The following CELA3B variants were observed in gnomAD, a reference collection of about 807,000 sequenced individuals.
CELA3B encodes the protein chymotrypsin-like elastase family member 3B.
CELA3B carries 34 observed loss-of-function variants against 37.2 expected under a neutral mutation model. That is an observed-to-expected ratio of 0.91 (90% CI 0.70 to 1.22). The LOEUF is 1.22. CELA3B is among the 50% of genes most tolerant of loss of function. CELA3B has a pLI of 0.00. For synonymous variants in CELA3B, 127 were observed against 143.5 expected (o/e 0.89, Z 0.82); for missense variants, 340 against 363.1 (o/e 0.94, Z 0.52).
At chr1:21,986,878 G>A (rs34262568) in intron 7 of CELA3B, 195 bp downstream of exon 7, 145,689 of 641,128 alleles carry the variant, frequency 0.23, 18,736 homozygotes, top group Admixed American at 0.38. Context: ...GATGGCTTCT[G>A]GGTGGTGCTT....
intron 2 of CELA3B, among the ~76,000 whole-genome samples, chr1:21,978,852 A>G (rs1404477583): frequency 4.0e-5 from 6 of 151,874 alleles, no homozygotes; most frequent in Non-Finnish European, 8.8e-5. Flanking sequence ...AGGGAAGCTC[A>G]GAAGGCTGGA....
chr1:21,977,093 A>G lies in CELA3B; in HGVS notation c.43+11A>G. The G allele has an allele frequency of 8.7e-6, 14 of 1,614,132 alleles. No individual in the cohort carries two copies. The highest frequency in any genetic ancestry group is 1.1e-5 in the Non-Finnish European group (13 of 1,180,024). Reference sequence around the variant, plus strand: ...TCCTTGTGGCCGTTGGTAAGACCCCAACCTGTGTGTGTGCTCCCTGGGCTG... The same window carrying G: ...TCCTTGTGGCCGTTGGTAAGACCCCGACCTGTGTGTGTGCTCCCTGGGCTG... On this transcript the variant is annotated intron_variant, in intron 1 of 7. Coordinates refer to ENST00000337107, the MANE Select transcript of CELA3B (RefSeq NM_007352.4).
chr1:21,983,530 C>T lies in CELA3B; in HGVS notation c.363-164C>T, dbSNP rs190267197. Among the ~76,000 whole-genome samples the T allele has an allele frequency of 1.2e-4, 15 of 129,490 alleles. 1 individual carries two copies. The highest frequency in any genetic ancestry group is 4.1e-4 in the African/African-American group (14 of 33,874). The allele number at this position is 129,490 out of a possible 152,430, so 85.0% of individuals were successfully genotyped here. A position where few individuals can be genotyped will look rare whatever the true frequency, so the allele number is the denominator to read the frequency against. On this transcript the variant is annotated intron_variant, in intron 4 of 7. Coordinates refer to ENST00000337107, the MANE Select transcript of CELA3B (RefSeq NM_007352.4). ...CTCCAGCCTGGGCAACAGATGGAGA[C>T]TCTGTCTCAATAATAATAATGATGA...
intron 7 of CELA3B, among the ~76,000 whole-genome samples, chr1:21,988,966 G>C (rs10799726): frequency 2.6e-5 from 4 of 151,768 alleles, no homozygotes; most frequent in African/African-American, 9.7e-5. Context: ...TACACACACA[G>C]ACGTATATAT....
intron 7 of CELA3B, among the ~76,000 whole-genome samples, chr1:21,988,928 TATAC>T (rs56242953): frequency 0.46 from 69,894 of 150,926 alleles, 16,446 homozygotes; most frequent in East Asian, 0.65. Flanking sequence ...ATTTTGTTTA[TATAC>T]ATACATACAT....
chr1:21,978,408 G>A lies in CELA3B; in HGVS notation c.83G>A (p.Arg28His), dbSNP rs770398632. ...YGPPSSRPSSRVVNGEDAVPY... is the reference protein window; with the variant it reads ...YGPPSSRPSSHVVNGEDAVPY... ...CCACCTTCCTCTCGCCCTTCCAGCCGCGTTGTCAATGGTGAGGATGCGGTC... is the reference window on the plus strand; with the variant it reads ...CCACCTTCCTCTCGCCCTTCCAGCCACGTTGTCAATGGTGAGGATGCGGTC... Residue 28 changes from arginine to histidine, a missense_variant, in exon 2 of 8, where the codon CGC becomes CAC. Transcript: ENST00000337107. 2.0e-5 allele frequency: 33 copies of A among 1,613,924 alleles called. No individual in the cohort carries two copies. The highest frequency in any genetic ancestry group is 1.2e-4 in the Admixed American group (7 of 59,998).
intron 4 of CELA3B, among the ~76,000 whole-genome samples, chr1:21,997,010 A>G (rs1234747706): frequency 1.3e-5 from 2 of 151,388 alleles, no homozygotes; most frequent in Non-Finnish European, 2.9e-5. Context: ...AAAATCTGAG[A>G]ATAGTCATCC....
intron 7 of CELA3B, chr1:21,987,105 G>T (rs532822219): frequency 6.5e-6 from 2 of 307,684 alleles, no homozygotes; most frequent in Non-Finnish European, 6.6e-6. Flanking sequence ...GATCAGAGAG[G>T]ACTAATAACA....
downstream of CELA3B, among the ~76,000 whole-genome samples, chr1:21,989,825 G>T (rs1364256844): frequency 2.7e-5 from 4 of 150,764 alleles, no homozygotes; most frequent in Non-Finnish European, 5.9e-5. Context: ...GGGCTCAGAG[G>T]GGTAAGGAGA....
intron 1 of CELA3B, among the ~76,000 whole-genome samples, chr1:21,977,725 TA>T: frequency 6.6e-6 from 1 of 152,122 alleles, no homozygotes; most frequent in South Asian, 2.1e-4. Context: ...TTAATGTTTT[TA>T]TTTTTTGCTT....
intron 2 of CELA3B, 107 bp downstream of exon 2, chr1:21,978,561 T>C: frequency 7.4e-7 from 1 of 1,360,148 alleles, no homozygotes; most frequent in South Asian, 1.2e-5. Flanking sequence ...CAATGTCCAC[T>C]TCAGCTTCCA....
At chr1:21,991,486 C>G (rs141740713), downstream of CELA3B, among the ~76,000 whole-genome samples, 10,737 of 150,772 alleles carry the variant, frequency 0.071, 709 homozygotes, top group East Asian at 0.15. Flanking sequence ...CAGGCGCATG[C>G]CACCACGCTC....
chr1:21,995,170 G>T (rs1315558495), intron 4 of CELA3B, among the ~76,000 whole-genome samples: 1 of 131,726 alleles, frequency 7.6e-6, no homozygotes, highest in African/African-American at 3.0e-5. Context: ...TTGAGACAGA[G>T]TCTTGCTCTG....
At chr1:21,994,142 G>A (rs28429707), downstream of CELA3B, among the ~76,000 whole-genome samples, 40,485 of 134,946 alleles carry the variant, frequency 0.3, 6,931 homozygotes, top group East Asian at 0.54. Context: ...CCAGTCCTTA[G>A]ATTTATTCCT....
chr1:21,977,232 T>G (rs1644778021), intron 1 of CELA3B, 150 bp downstream of exon 1: 1 of 1,215,456 alleles, frequency 8.2e-7, no homozygotes, highest in Non-Finnish European at 1.2e-6. Context: ...CTGTGGGGGC[T>G]TTCAGCTTAT....
intron 2 of CELA3B, 101 bp downstream of exon 2, chr1:21,978,555 G>A (rs1644785399): frequency 2.2e-6 from 3 of 1,393,730 alleles, no homozygotes; most frequent in Non-Finnish European, 3.0e-6. Flanking sequence ...CCTTTGCAAT[G>A]TCCACTTCAG....
At chr1:21,979,426 A>C (rs149012079) in intron 2 of CELA3B, among the ~76,000 whole-genome samples, 64 of 139,126 alleles carry the variant, frequency 4.6e-4, no homozygotes, top group Middle Eastern at 3.8e-3. Flanking sequence ...TGCTTGCCAT[A>C]TTTCTTTTTT....
intron 4 of CELA3B, among the ~76,000 whole-genome samples, chr1:21,996,614 A>C (rs1269877738): frequency 6.6e-6 from 1 of 151,052 alleles, no homozygotes. Flanking sequence ...ACTTTCCTCT[A>C]CGAACTCGCC....
At position 21,988,291 on chromosome 1, in the gene CELA3B, T is replaced by C. The variant is rs1451815113; in HGVS notation, c.796-971T>C. ...AATCCCTTGGTTCCCTGACCCATGT[T>C]AAAAAAATATATATATAAGGCCAGG... On this transcript the variant is annotated intron_variant, in intron 7 of 7. Transcript: ENST00000337107. Among the ~76,000 whole-genome samples the C allele has an allele frequency of 3.1e-5, 3 of 97,968 alleles. No homozygotes were observed. In the East Asian group the frequency reaches 6.1e-4, roughly 20 times the overall value. 64.3% of individuals were successfully genotyped at this position (97,968 alleles called of 152,430 possible).
Sources: gnomAD v4.1 joint callset for allele counts (sites outside exome capture counted in the v4.1 genomes callset) on GRCh38, gnomAD v4.1.1 for gene constraint, MANE v1.5 for transcripts, NCBI Gene and HGNC (gene_info 2026-07-23, HGNC 2026-07-21) for gene names.